The following DCLK1 variants were observed in gnomAD, a reference collection of about 807,000 sequenced individuals.
DCLK1 encodes the protein serine/threonine-protein kinase DCLK1.
Under a neutral mutation model 86.2 loss-of-function variants are expected in DCLK1, and 16 were observed. The ratio of observed to expected loss-of-function variants is 0.19; its 90% CI spans 0.13 to 0.28. The LOEUF (loss-of-function observed/expected upper bound fraction) is 0.28, where lower values mean the gene tolerates loss of function less well. Ranked by LOEUF, DCLK1 falls within the 10% of genes least tolerant of loss-of-function variation. The probability of loss-of-function intolerance (pLI) is 1.00; values close to 1 mark genes in which losing one functional copy is unlikely to be tolerated. For missense variants in DCLK1, 590 were observed against 940.2 expected (o/e 0.63, Z 4.87); for synonymous variants, 369 against 370.5 (o/e 1.00, Z 0.05).
At chr13:35,855,579 AG>A in intron 5 of DCLK1, 1 of 1,583,914 alleles carries the variant, frequency 6.3e-7, no homozygotes, top group South Asian at 1.2e-5. Context: ...ATCCCGTCTC[AG>A]CACTAAGCCA....
intron 3 of DCLK1, among the ~76,000 whole-genome samples, chr13:36,053,231 T>C (rs2153157567): frequency 6.6e-6 from 1 of 152,208 alleles, no homozygotes; most frequent in Middle Eastern, 3.4e-3. Context: ...CTGTGTGAGG[T>C]ACTAGGCGGC....
At chr13:36,092,556 G>T (rs1401568105) in intron 3 of DCLK1, among the ~76,000 whole-genome samples, 1 of 137,604 alleles carries the variant, frequency 7.3e-6, no homozygotes, top group African/African-American at 2.8e-5. Flanking sequence ...GCGGGATCTC[G>T]GCTCACTGCA....
chr13:36,007,243 A>T (rs1881018320), intron 3 of DCLK1, among the ~76,000 whole-genome samples: 1 of 152,196 alleles, frequency 6.6e-6, no homozygotes, highest in Non-Finnish European at 1.5e-5. Context: ...AAATCATGAA[A>T]ATCAAATCCA....
At chr13:36,053,927 C>T (rs1196867122) in intron 3 of DCLK1, among the ~76,000 whole-genome samples, 8 of 152,074 alleles carry the variant, frequency 5.3e-5, no homozygotes, top group Non-Finnish European at 1.0e-4. Context: ...AGGGAAACAG[C>T]ATGTGCTGCA....
intron 15 of DCLK1, among the ~76,000 whole-genome samples, chr13:35,802,547 T>A (rs1029240607): frequency 5.9e-5 from 9 of 152,008 alleles, no homozygotes; most frequent in Admixed American, 5.9e-4. Context: ...AAAGAAAAAA[T>A]TTATTGAAGA....
chr13:36,038,216 C>T (rs1277277883), intron 3 of DCLK1, among the ~76,000 whole-genome samples: 1 of 152,188 alleles, frequency 6.6e-6, no homozygotes, highest in Non-Finnish European at 1.5e-5. Flanking sequence ...AAGCTGGTAA[C>T]AGTTCCCAAA....
chr13:36,021,446 C>T (rs1216352599), intron 3 of DCLK1, among the ~76,000 whole-genome samples: 8 of 151,686 alleles, frequency 5.3e-5, no homozygotes, highest in African/African-American at 1.9e-4. Context: ...CAATTGCAAG[C>T]AGAATTGGCA....
intron 5 of DCLK1, among the ~76,000 whole-genome samples, chr13:35,866,379 G>C (rs1002707631): frequency 1.3e-5 from 2 of 151,896 alleles, no homozygotes; most frequent in African/African-American, 4.8e-5. Flanking sequence ...CTGAATACTG[G>C]AAGTAGAAAT....
rs372349645 is a variant in DCLK1 at position 35,886,527 on chromosome 13, TA to T, written c.824-15188del. 7.6e-4 allele frequency among the ~76,000 whole-genome samples: 116 copies of T among 152,278 alleles called. 2 individuals are homozygous for T. In the South Asian group the frequency reaches 0.023, roughly 30 times the overall value. On this transcript the variant is annotated intron_variant, in intron 4 of 16. Transcript: ENST00000360631. Reference sequence around the variant, plus strand: ...TGTTGCACAAGCAATGCCACTTTTCTAAAAGTGTTCGGAAGAGTGCCACATG... The same window carrying T: ...TGTTGCACAAGCAATGCCACTTTTCTAAAGTGTTCGGAAGAGTGCCACATG...
At chr13:35,977,108 T>A (rs1228326838) in intron 3 of DCLK1, among the ~76,000 whole-genome samples, 2 of 135,362 alleles carry the variant, frequency 1.5e-5, no homozygotes, top group Non-Finnish European at 3.3e-5. Context: ...AATGCTGTAT[T>A]TTTCGTGTAT....
Position 35,770,316 on chromosome 13 carries a change from AAG to A in DCLK1, c.*4217_*4218del, listed in dbSNP as rs2086307450. The A allele has an allele frequency of 6.6e-6, 1 of 152,232 alleles. No individual in the cohort carries two copies. Among genetic ancestry groups the A allele is most frequent in the Admixed American group, 6.5e-5 (1 of 15,274 alleles). 9.4% of individuals were successfully genotyped at this position (152,232 alleles called of 1,614,324 possible). On this transcript the variant is annotated 3_prime_UTR_variant, in exon 17 of 17. Transcript: ENST00000360631. ...TGATTTGTTTGCCTTTAAGCAAGAA[AAG>A]AGTAAAGTGTATTATTTTCCCCTGC...
At chr13:36,048,791 A>G (rs1404475277) in intron 3 of DCLK1, among the ~76,000 whole-genome samples, 3 of 152,168 alleles carry the variant, frequency 2.0e-5, no homozygotes, top group African/African-American at 7.2e-5. Flanking sequence ...ATAGTGTGCA[A>G]GTTTACGACT....
intron 4 of DCLK1, among the ~76,000 whole-genome samples, chr13:35,942,131 T>C (rs1436364199): frequency 3.3e-5 from 5 of 152,154 alleles, no homozygotes; most frequent in African/African-American, 9.7e-5. Context: ...TCCCTGATGG[T>C]TCGAATCCAC....
chr13:35,863,575 A>G (rs536430497), intron 5 of DCLK1, among the ~76,000 whole-genome samples: 2 of 152,340 alleles, frequency 1.3e-5, no homozygotes, highest in South Asian at 4.1e-4. Context: ...TGCAGCCAGA[A>G]ATTCCAAAGA....
At chr13:35,960,095 G>A (rs548135843) in intron 3 of DCLK1, among the ~76,000 whole-genome samples, 8 of 152,198 alleles carry the variant, frequency 5.3e-5, no homozygotes, top group African/African-American at 7.2e-5. Flanking sequence ...TCTATAACAG[G>A]AAATTTCAGA....
chr13:35,878,949 C>A (rs150983266), intron 4 of DCLK1, among the ~76,000 whole-genome samples: 2,277 of 152,200 alleles, frequency 0.015, 50 homozygotes, highest in African/African-American at 0.051. Context: ...CCATGCCCAG[C>A]TGATTTTTGT....
At chr13:35,890,148 T>C (rs2153119083) in intron 4 of DCLK1, among the ~76,000 whole-genome samples, 2 of 152,250 alleles carry the variant, frequency 1.3e-5, no homozygotes, top group African/African-American at 4.8e-5. Flanking sequence ...ATTTAAATAA[T>C]ATATAAGAGG....
chr13:35,936,279 T>C (rs1299761176), intron 4 of DCLK1, among the ~76,000 whole-genome samples: 1 of 152,188 alleles, frequency 6.6e-6, no homozygotes, highest in Admixed American at 6.5e-5. Context: ...CTACTACATA[T>C]GTTAGGCATA....
intron 3 of DCLK1, among the ~76,000 whole-genome samples, chr13:36,044,088 C>CA (rs1305846042): frequency 2.0e-5 from 3 of 152,166 alleles, no homozygotes; most frequent in African/African-American, 7.2e-5. Context: ...GTAATGAGTT[C>CA]ACATGCAATA....
Sources: gnomAD v4.1 joint callset for allele counts (sites outside exome capture counted in the v4.1 genomes callset) on GRCh38, gnomAD v4.1.1 for gene constraint, MANE v1.5 for transcripts, NCBI Gene and HGNC (gene_info 2026-07-23, HGNC 2026-07-21) for gene names.